Variants in FARP1 observed in about 807,000 individuals in gnomAD.
FARP1 encodes the protein FERM, ARH/RhoGEF and pleckstrin domain protein 1.
A neutral mutation model predicts 128.8 loss-of-function variants in FARP1; 52 were observed. That is an observed-to-expected ratio of 0.40 (90% CI 0.32 to 0.51). FARP1 has a LOEUF of 0.51. Among genes scored for constraint, FARP1 ranks in the 20% least tolerant of loss-of-function variants. The pLI is 0.45. For synonymous variants in FARP1, 580 were observed against 551.8 expected, an observed-to-expected ratio of 1.05 and a Z score of -0.72; for missense variants, 1,333 against 1,367.9, an observed-to-expected ratio of 0.97 and a Z score of 0.40.
intron 3 of FARP1, among the ~76,000 whole-genome samples, chr13:98,354,158 CTACT>C: frequency 6.6e-6 from 1 of 152,322 alleles, no homozygotes; most frequent in South Asian, 2.1e-4. Context: ...ATACCAACTC[CTACT>C]TAATGAGTTC....
At chr13:98,333,204 T>G (rs1005780578) in intron 2 of FARP1, 1 of 152,222 alleles carries the variant, frequency 6.6e-6, no homozygotes, top group Non-Finnish European at 1.5e-5. Context: ...TATTTTATTC[T>G]CTGCCTAATA....
At chr13:98,399,060 TAG>T (rs1890662200) in intron 13 of FARP1, 1 of 152,206 alleles carries the variant, frequency 6.6e-6, no homozygotes, top group Non-Finnish European at 1.5e-5. Flanking sequence ...GAGTTGCTCA[TAG>T]AGTTTTTCCC....
At chr13:98,417,455 G>GAAAAAAAA (rs869304302) in intron 16 of FARP1, among the ~76,000 whole-genome samples, 7 of 58,478 alleles carry the variant, frequency 1.2e-4, no homozygotes, top group East Asian at 1.0e-3. Flanking sequence ...CCAGAGGTTT[G>GAAAAAAAA]AAAAAAAAAA....
chr13:98,260,411 T>C (rs550978138), intron 2 of FARP1, among the ~76,000 whole-genome samples: 6 of 152,212 alleles, frequency 3.9e-5, no homozygotes, highest in Non-Finnish European at 8.8e-5. Flanking sequence ...TTCAGTTTAT[T>C]CCATTTTGGT....
At chr13:98,247,859 G>A (rs1053493046) in intron 2 of FARP1, among the ~76,000 whole-genome samples, 1 of 152,178 alleles carries the variant, frequency 6.6e-6, no homozygotes, top group Non-Finnish European at 1.5e-5. Flanking sequence ...ACCAAGCCAC[G>A]GATGTGGTCA....
At chr13:98,340,380 A>G (rs1192562695) in intron 2 of FARP1, among the ~76,000 whole-genome samples, 2 of 151,866 alleles carry the variant, frequency 1.3e-5, no homozygotes, top group Non-Finnish European at 2.9e-5. Flanking sequence ...ATAATGTTCT[A>G]TTTTTCCAGG....
At chr13:98,203,062 T>C (rs1758664780) in intron 1 of FARP1, among the ~76,000 whole-genome samples, 1 of 152,152 alleles carries the variant, frequency 6.6e-6, no homozygotes, top group Middle Eastern at 3.2e-3. Context: ...TGGTACAAAA[T>C]TAAAAAGGTC....
At chr13:98,178,118 A>T (rs1878230282) in intron 1 of FARP1, among the ~76,000 whole-genome samples, 1 of 152,102 alleles carries the variant, frequency 6.6e-6, no homozygotes, top group Admixed American at 6.5e-5. Flanking sequence ...CACTTATTGT[A>T]ATGGAAATTG....
At chr13:98,170,505 T>A (rs1391561095) in intron 1 of FARP1, among the ~76,000 whole-genome samples, 5 of 151,990 alleles carry the variant, frequency 3.3e-5, no homozygotes, top group Non-Finnish European at 5.9e-5. Context: ...TACAGGTGTG[T>A]GCCACCACGC....
chr13:98,429,944 A>T (rs1891946854), intron 17 of FARP1, among the ~76,000 whole-genome samples: 1 of 152,222 alleles, frequency 6.6e-6, no homozygotes, highest in African/African-American at 2.4e-5. Context: ...ATGATAGAAG[A>T]ATCTAGATTT....
chr13:98,364,348 CAAGT>C (rs1555340657), intron 3 of FARP1, among the ~76,000 whole-genome samples: 2 of 152,100 alleles, frequency 1.3e-5, no homozygotes, highest in Admixed American at 6.5e-5. Context: ...AACATGCAAG[CAAGT>C]GTGTGTACAG....
At chr13:98,437,905 T>C (rs1433363286) in intron 19 of FARP1, 17 of 1,196,664 alleles carry the variant, frequency 1.4e-5, no homozygotes, top group East Asian at 5.2e-5. Context: ...GATGATCCCC[T>C]GATTCTTGGC....
chr13:98,408,871 T>C (rs1335977262), intron 13 of FARP1, among the ~76,000 whole-genome samples: 1 of 152,234 alleles, frequency 6.6e-6, no homozygotes, highest in African/African-American at 2.4e-5. Flanking sequence ...GCTTGACCTT[T>C]CTGTTAGCTG....
intron 2 of FARP1, among the ~76,000 whole-genome samples, chr13:98,316,632 C>A (rs922444569): frequency 2.6e-5 from 4 of 152,196 alleles, no homozygotes; most frequent in African/African-American, 9.6e-5. Context: ...TTCATCCTTG[C>A]GTTGTAACAC....
intron 2 of FARP1, among the ~76,000 whole-genome samples, chr13:98,314,274 CTTTTTTTTTTT>C (rs140938723): frequency 1.0e-4 from 6 of 59,990 alleles, no homozygotes; most frequent in Admixed American, 5.0e-4. Context: ...TATTTTATGT[CTTTTTTTTTTT>C]TTTTTTTTTT....
rs1893241191 is a variant in FARP1 at position 98,452,350 on chromosome 13, ATAAT to A, written c.*4035_*4038del. Reference sequence around the variant, plus strand: ...GCTTCATGGGGAGAAACTGAAAATTATAATTTAAAGCTTCATGAGGCAAGATATG... The same window carrying A: ...GCTTCATGGGGAGAAACTGAAAATTATTAAAGCTTCATGAGGCAAGATATG... On this transcript the variant is annotated 3_prime_UTR_variant, in exon 27 of 27. Coordinates refer to ENST00000319562, the MANE Select transcript of FARP1 (RefSeq NM_005766.4). 1 of 152,640 alleles carries A rather than the reference ATAAT, an allele frequency of 6.6e-6. No individual in the cohort carries two copies. The highest frequency in any genetic ancestry group is 2.1e-4 in the South Asian group (1 of 4,830). 9.5% of individuals were successfully genotyped at this position (152,640 alleles called of 1,614,324 possible).
At position 98,436,358 on chromosome 13, in the gene FARP1, C is replaced by T. The variant is rs116294662; in HGVS notation, c.2274+652C>T. Among the ~76,000 whole-genome samples the T allele has an allele frequency of 9.4e-3, 1,430 of 152,282 alleles. 24 individuals are homozygous for T. Among genetic ancestry groups the T allele is most frequent in the African/African-American group, 0.033 (1,368 of 41,544 alleles). Reference sequence around the variant, plus strand: ...AACAAAGCCTGCCTTCTCCACTTCCCTTCCTAGAAAGCCATCATCACCCAG... The same window carrying T: ...AACAAAGCCTGCCTTCTCCACTTCCTTTCCTAGAAAGCCATCATCACCCAG... On this transcript the variant is annotated intron_variant, in intron 19 of 26. Coordinates refer to ENST00000319562, the MANE Select transcript of FARP1 (RefSeq NM_005766.4).
chr13:98,148,450 A>G (rs1363708159), intron 1 of FARP1, among the ~76,000 whole-genome samples: 2 of 151,934 alleles, frequency 1.3e-5, no homozygotes, highest in African/African-American at 4.8e-5. Context: ...CCTGTTACTG[A>G]CTCCTACCTT....
At chr13:98,277,622 C>T (rs9513389) in intron 2 of FARP1, among the ~76,000 whole-genome samples, 3,695 of 152,216 alleles carry the variant, frequency 0.024, 77 homozygotes, top group South Asian at 0.11. Flanking sequence ...CCTTCGGGGA[C>T]GCCACCTTGA....
Sources: allele counts gnomAD v4.1 joint callset (sites outside exome capture counted in the v4.1 genomes callset), GRCh38; gene constraint gnomAD v4.1.1; transcripts MANE v1.5; gene names NCBI Gene and HGNC (gene_info 2026-07-23, HGNC 2026-07-21).